DENND1A: variants seen among roughly 807,000 people sequenced by gnomAD.
The protein encoded by DENND1A is DENN domain-containing protein 1A.
In DENND1A, 51 loss-of-function variants were observed where a neutral mutation model predicts 113.7. The observed-to-expected ratio is 0.45, with a 90% confidence interval of 0.36 to 0.57. The LOEUF is 0.57. Among genes scored for constraint, DENND1A ranks in the 20% least tolerant of loss-of-function variants. The pLI, the probability that DENND1A is intolerant of heterozygous loss-of-function variation, is 0.00. For synonymous variants in DENND1A, 565 were observed against 570.8 expected, an observed-to-expected ratio of 0.99 and a Z score of 0.14; for missense variants, 1,258 against 1,395.9, an observed-to-expected ratio of 0.90 and a Z score of 1.57.
intron 2 of DENND1A, among the ~76,000 whole-genome samples, chr9:123,851,225 C>G (rs1843302121): frequency 6.6e-6 from 1 of 152,202 alleles, no homozygotes; most frequent in Admixed American, 6.5e-5. Context: ...GGTGTGCTTT[C>G]TGTCACTATA....
intron 5 of DENND1A, among the ~76,000 whole-genome samples, chr9:123,749,149 A>T (rs1471947651): frequency 1.3e-5 from 2 of 152,218 alleles, no homozygotes; most frequent in Non-Finnish European, 2.9e-5. Context: ...GTTGGAGGTC[A>T]GAAGACTGTC....
intron 11 of DENND1A, among the ~76,000 whole-genome samples, chr9:123,594,621 T>A (rs1025245661): frequency 1.3e-5 from 2 of 151,560 alleles, no homozygotes; most frequent in African/African-American, 4.8e-5. Flanking sequence ...CCACTAAAAT[T>A]CCCAGGGAGG....
chr9:123,540,946 G>A (rs922402452), intron 13 of DENND1A, among the ~76,000 whole-genome samples: 1 of 152,162 alleles, frequency 6.6e-6, no homozygotes, highest in Non-Finnish European at 1.5e-5. Flanking sequence ...GCTCTAGTCC[G>A]ACTCTTTCTT....
chr9:123,458,690 G>A (rs1200392491), intron 13 of DENND1A, among the ~76,000 whole-genome samples: 9 of 152,304 alleles, frequency 5.9e-5, no homozygotes, highest in South Asian at 2.1e-4. Context: ...GGCCAGGCGC[G>A]GTGGCTCATG....
chr9:123,833,069 G>T (rs1840494576), intron 2 of DENND1A, among the ~76,000 whole-genome samples: 1 of 139,038 alleles, frequency 7.2e-6, no homozygotes, highest in African/African-American at 2.7e-5. Context: ...AGGCTACAGT[G>T]TGCTATGATT....
At chr9:123,776,298 C>T (rs560561824) in intron 3 of DENND1A, among the ~76,000 whole-genome samples, 89 of 152,218 alleles carry the variant, frequency 5.8e-4, no homozygotes, top group African/African-American at 1.9e-3. Flanking sequence ...CCCCAGTAAC[C>T]GTATTAACGC....
chr9:123,650,337 T>C (rs2062575812), intron 9 of DENND1A, among the ~76,000 whole-genome samples: 3 of 152,152 alleles, frequency 2.0e-5, no homozygotes, highest in Admixed American at 2.0e-4. Flanking sequence ...TAATAAAAAC[T>C]GTAAGGAAAA....
chr9:123,804,939 G>C (rs1427200082), intron 2 of DENND1A, among the ~76,000 whole-genome samples: 3 of 151,946 alleles, frequency 2.0e-5, no homozygotes. Context: ...CCTCTACAAC[G>C]TCCTCCCTTC....
At chr9:123,523,028 G>A (rs1242551110) in intron 13 of DENND1A, among the ~76,000 whole-genome samples, 2 of 152,174 alleles carry the variant, frequency 1.3e-5, no homozygotes, top group Admixed American at 6.6e-5. Flanking sequence ...GAAACATGGA[G>A]GTAAAGCATT....
At chr9:123,399,043 G>A (rs1383729824) in intron 21 of DENND1A, among the ~76,000 whole-genome samples, 5 of 151,910 alleles carry the variant, frequency 3.3e-5, no homozygotes, top group Non-Finnish European at 4.4e-5. Context: ...TGACCCGCCC[G>A]CCTCGGCCTC....
intron 2 of DENND1A, among the ~76,000 whole-genome samples, chr9:123,809,395 T>C (rs1836156057): frequency 1.3e-5 from 2 of 152,198 alleles, no homozygotes; most frequent in South Asian, 2.1e-4. Context: ...AAACCTGAAT[T>C]CTCTCACATA....
intron 1 of DENND1A, among the ~76,000 whole-genome samples, chr9:123,880,821 G>A (rs1848212910): frequency 6.6e-6 from 1 of 151,914 alleles, no homozygotes; most frequent in African/African-American, 2.4e-5. Flanking sequence ...TTCCCCCCAC[G>A]TTTTCATATC....
At chr9:123,526,642 TTC>T (rs943792674) in intron 13 of DENND1A, among the ~76,000 whole-genome samples, 3 of 152,214 alleles carry the variant, frequency 2.0e-5, no homozygotes, top group East Asian at 1.9e-4. Context: ...ACAGGGGACT[TTC>T]TGTCTTTATC....
chr9:123,665,509 C>A (rs2063451985), intron 8 of DENND1A, among the ~76,000 whole-genome samples: 1 of 152,118 alleles, frequency 6.6e-6, no homozygotes, highest in South Asian at 2.1e-4. Flanking sequence ...TTGATAATCC[C>A]AACTTATCAA....
intron 13 of DENND1A, among the ~76,000 whole-genome samples, chr9:123,486,396 G>C (rs1246882904): frequency 6.6e-6 from 1 of 151,936 alleles, no homozygotes; most frequent in African/African-American, 2.4e-5. Flanking sequence ...GCGTCACCTT[G>C]GCTCTGGGCT....
At chr9:123,383,146 C>T (rs759251892) in intron 23 of DENND1A, among the ~76,000 whole-genome samples, 9 of 152,198 alleles carry the variant, frequency 5.9e-5, no homozygotes, top group Non-Finnish European at 1.3e-4. Context: ...TCTGTGAACC[C>T]CACGGTGTGA....
chr9:123,910,658 G>A (rs1396128704), intron 1 of DENND1A, among the ~76,000 whole-genome samples: 1 of 152,202 alleles, frequency 6.6e-6, no homozygotes, highest in African/African-American at 2.4e-5. Context: ...ACTATTAAGT[G>A]GCTGGGCCCA....
chr9:123,476,704 A>G lies in DENND1A; in HGVS notation c.994-18807T>C, dbSNP rs145463389. ...TAGTACAAGGGTAACAGACACTTGT[A>G]TGCTCTTACCATGTGCCAGGTACCC... On this transcript the variant is annotated intron_variant, in intron 13 of 23. Transcript: ENST00000394215. Among the ~76,000 whole-genome samples the G allele has an allele frequency of 9.8e-5, 15 of 152,318 alleles. No individual in the cohort carries two copies. The East Asian group carries it at 2.9e-3, about 29-fold the overall frequency.
At chr9:123,772,600 C>A (rs1829905352) in intron 3 of DENND1A, among the ~76,000 whole-genome samples, 1 of 152,192 alleles carries the variant, frequency 6.6e-6, no homozygotes, top group Non-Finnish European at 1.5e-5. Flanking sequence ...ATGTAAATGA[C>A]CTCATTGCTA....
Sources: gnomAD v4.1 joint callset for allele counts (sites outside exome capture counted in the v4.1 genomes callset) on GRCh38, gnomAD v4.1.1 for gene constraint, MANE v1.5 for transcripts, NCBI Gene and HGNC (gene_info 2026-07-23, HGNC 2026-07-21) for gene names.